CTNNA2: variants seen among roughly 807,000 people sequenced by gnomAD.
CTNNA2 encodes the protein catenin alpha-2.
CTNNA2 carries 42 observed loss-of-function variants against 101.0 expected under a neutral mutation model. The ratio of observed to expected loss-of-function variants is 0.42; its 90% CI spans 0.32 to 0.54. CTNNA2 has a LOEUF of 0.54. Among genes scored for constraint, CTNNA2 ranks in the 20% least tolerant of loss-of-function variants. The pLI, the probability that CTNNA2 is intolerant of heterozygous loss-of-function variation, is 0.14. For synonymous variants in CTNNA2, 450 were observed against 456.4 expected (o/e 0.99, Z 0.18); for missense variants, 871 against 1,223.1 (o/e 0.71, Z 4.29).
chr2:80,046,586 A>G (rs1001472088), intron 7 of CTNNA2, among the ~76,000 whole-genome samples: 1 of 152,146 alleles, frequency 6.6e-6, no homozygotes, highest in Non-Finnish European at 1.5e-5. Flanking sequence ...TTGGAAACCC[A>G]TTATAAAAAG....
chr2:80,372,399 T>C (rs1379125584), intron 7 of CTNNA2, among the ~76,000 whole-genome samples: 1 of 151,934 alleles, frequency 6.6e-6, no homozygotes, highest in East Asian at 1.9e-4. Context: ...GTTGGCTACT[T>C]TAGCCCTCAT....
At chr2:79,852,754 G>A (rs1680824515) in intron 3 of CTNNA2, among the ~76,000 whole-genome samples, 1 of 152,060 alleles carries the variant, frequency 6.6e-6, no homozygotes, top group South Asian at 2.1e-4. Context: ...ACCACGCCTA[G>A]CTAATTTTTG....
intron 7 of CTNNA2, among the ~76,000 whole-genome samples, chr2:80,032,208 G>A (rs1291358553): frequency 6.6e-6 from 1 of 152,128 alleles, no homozygotes; most frequent in African/African-American, 2.4e-5. Flanking sequence ...GTGGCAGCAG[G>A]TGTCAGAGAG....
chr2:79,332,715 G>A (rs1177180925), intron 3 of CTNNA2, among the ~76,000 whole-genome samples: 3 of 152,108 alleles, frequency 2.0e-5, no homozygotes, highest in African/African-American at 4.8e-5. Context: ...AGGGATTGGC[G>A]TTAAAGGCAT....
At chr2:79,426,453 C>A (rs1056017387) in intron 4 of CTNNA2, among the ~76,000 whole-genome samples, 2 of 152,082 alleles carry the variant, frequency 1.3e-5, no homozygotes, top group Non-Finnish European at 2.9e-5. Flanking sequence ...CAAAAATTCT[C>A]GTTATTTCTG....
intron 7 of CTNNA2, among the ~76,000 whole-genome samples, chr2:80,368,817 A>G (rs1375732299): frequency 6.7e-6 from 1 of 148,324 alleles, no homozygotes. Flanking sequence ...GAAAAACAGT[A>G]TGTGTATATA....
intron 7 of CTNNA2, among the ~76,000 whole-genome samples, chr2:80,245,794 C>CTTTTTTTTTTT (rs34625586): frequency 1.7e-5 from 1 of 58,954 alleles, no homozygotes; most frequent in Admixed American, 2.4e-4. Context: ...TATGATTTAA[C>CTTTTTTTTTTT]TTTTTTTTTT....
intron 9 of CTNNA2, among the ~76,000 whole-genome samples, chr2:80,526,231 GCT>G (rs1480637859): frequency 6.6e-6 from 1 of 151,932 alleles, no homozygotes; most frequent in African/African-American, 2.4e-5. Flanking sequence ...ACAGAGTCTG[GCT>G]CTGTCACCTA....
chr2:80,115,576 T>A (rs763684480), intron 7 of CTNNA2, among the ~76,000 whole-genome samples: 1 of 152,092 alleles, frequency 6.6e-6, no homozygotes, highest in African/African-American at 2.4e-5. Context: ...TCTTAAAGCA[T>A]GGTAACGAGA....
intron 2 of CTNNA2, among the ~76,000 whole-genome samples, chr2:79,213,348 C>A (rs904052858): frequency 3.5e-4 from 53 of 152,016 alleles, no homozygotes; most frequent in Middle Eastern, 3.4e-3. Context: ...GATAGAGGAC[C>A]CTTGTGTAGT....
chr2:80,340,160 C>T (rs1248830245), intron 7 of CTNNA2, among the ~76,000 whole-genome samples: 3 of 152,166 alleles, frequency 2.0e-5, no homozygotes, highest in Non-Finnish European at 2.9e-5. Flanking sequence ...CAGTACTTGC[C>T]AGATTCTTCA....
intron 7 of CTNNA2, among the ~76,000 whole-genome samples, chr2:80,329,478 T>G (rs1414194141): frequency 1.3e-5 from 2 of 152,190 alleles, no homozygotes; most frequent in Non-Finnish European, 1.5e-5. Flanking sequence ...ACTTAAAGAA[T>G]GTGTAGTTTT....
chr2:79,237,780 T>C (rs1199758267), intron 2 of CTNNA2, among the ~76,000 whole-genome samples: 1 of 152,226 alleles, frequency 6.6e-6, no homozygotes, highest in Admixed American at 6.5e-5. Context: ...GCTTGAAACT[T>C]TCCTTCTGCA....
intron 18 of CTNNA2, among the ~76,000 whole-genome samples, chr2:80,642,715 T>C (rs1224800690): frequency 6.6e-6 from 1 of 152,214 alleles, no homozygotes; most frequent in African/African-American, 2.4e-5. Context: ...ACATAGGCTT[T>C]CAGAAATATT....
At chr2:79,389,126 T>C (rs144895034) in intron 4 of CTNNA2, among the ~76,000 whole-genome samples, 3 of 152,330 alleles carry the variant, frequency 2.0e-5, no homozygotes, top group Admixed American at 6.5e-5. Flanking sequence ...GGAGAACATG[T>C]TGATACCAAA....
At position 79,199,839 on chromosome 2, in the gene CTNNA2, C is replaced by G. The variant is rs530330280; in HGVS notation, c.-406+1763C>G. On this transcript the variant is annotated intron_variant, in intron 2 of 21. Transcript: ENST00000466387. Reference sequence around the variant, plus strand: ...ATCTCAGCCTCCTGAGTAGCTGGGACTACAGATGGTTGCACAATTTTTAGT... The same window carrying G: ...ATCTCAGCCTCCTGAGTAGCTGGGAGTACAGATGGTTGCACAATTTTTAGT... Among the ~76,000 whole-genome samples the G allele has an allele frequency of 1.3e-3, 195 of 152,296 alleles. 1 individual carries two copies. Among genetic ancestry groups the G allele is most frequent in the African/African-American group, 4.2e-3 (174 of 41,576 alleles).
intron 3 of CTNNA2, among the ~76,000 whole-genome samples, chr2:79,855,233 T>C (rs1681036955): frequency 1.3e-5 from 2 of 152,156 alleles, no homozygotes; most frequent in Non-Finnish European, 2.9e-5. Context: ...TCTCTCTGTC[T>C]GTCTCTTCCC....
At chr2:80,411,032 G>C (rs747892643) in intron 8 of CTNNA2, among the ~76,000 whole-genome samples, 31 of 152,288 alleles carry the variant, frequency 2.0e-4, no homozygotes, top group Non-Finnish European at 4.1e-4. Flanking sequence ...CTGGCTTATG[G>C]ATTTCCATAT....
At chr2:80,095,014 G>T (rs550462381) in intron 7 of CTNNA2, among the ~76,000 whole-genome samples, 1 of 152,094 alleles carries the variant, frequency 6.6e-6, no homozygotes, top group Non-Finnish European at 1.5e-5. Context: ...CTGCCTGATT[G>T]CCCTGGCCAG....
Sources: allele counts gnomAD v4.1 joint callset (sites outside exome capture counted in the v4.1 genomes callset), GRCh38; gene constraint gnomAD v4.1.1; transcripts MANE v1.5; gene names NCBI Gene and HGNC (gene_info 2026-07-23, HGNC 2026-07-21).